The following DNMT1 variants were observed in gnomAD, a reference collection of about 807,000 sequenced individuals.
The protein encoded by DNMT1 is DNA (cytosine-5)-methyltransferase 1.
DNMT1 carries 24 observed loss-of-function variants against 205.3 expected under a neutral mutation model. The ratio of observed to expected loss-of-function variants is 0.12; its 90% CI spans 0.08 to 0.16. The LOEUF is 0.16. Among genes scored for constraint, DNMT1 ranks in the 10% least tolerant of loss-of-function variants. The probability of loss-of-function intolerance (pLI) is 1.00; values close to 1 mark genes in which losing one functional copy is unlikely to be tolerated. For synonymous variants in DNMT1, 817 were observed against 839.8 expected (o/e 0.97, Z 0.47); for missense variants, 1,293 against 2,177.7 (o/e 0.59, Z 8.09).
intron 12 of DNMT1, 32 bp downstream of exon 12, chr19:10,163,294 G>T: frequency 6.2e-7 from 1 of 1,612,782 alleles, no homozygotes; most frequent in South Asian, 1.1e-5. Flanking sequence ...TGATCCAGAT[G>T]ACACAAAAGC....
intron 17 of DNMT1, among the ~76,000 whole-genome samples, chr19:10,158,655 G>A (rs958770034): frequency 2.0e-5 from 3 of 152,196 alleles, no homozygotes; most frequent in African/African-American, 4.8e-5. Flanking sequence ...AAGAGCTGAC[G>A]TGAGCCTCGG....
In DNMT1 at chr19:10,140,882, C is replaced by T. The variant is rs920360352; in HGVS notation, c.3422G>A (p.Cys1141Tyr). The T allele has an allele frequency of 8.1e-6, 13 of 1,614,054 alleles. No homozygotes were observed. The highest frequency in any genetic ancestry group is 1.0e-5 in the Non-Finnish European group (12 of 1,180,046). ...CTCTATCTCTGGCTCGCTCGGCTCA[C>T]AGGCTTGGGACTTGGGCTTGCCCTT... The part of the protein sequence containing the change: ...KGKGKPKSQA[C>Y]EPSEPEIEIK... Residue 1141 changes from cysteine (C) to tyrosine (Y), a missense_variant, in exon 32 of 41, where the codon TGT becomes TAT. Physicochemically the swap from Cys to Tyr is radical, Grantham distance 194. Coordinates refer to ENST00000359526, the MANE Select transcript of DNMT1 (RefSeq NM_001130823.3). The surrounding 1 kb of genome is among the most constrained non-coding windows in gnomAD (Gnocchi z 8.4).
intron 26 of DNMT1, 64 bp from the exon 27 acceptor site, chr19:10,149,081 T>C (rs1259918295): frequency 2.5e-6 from 4 of 1,602,302 alleles, no homozygotes; most frequent in South Asian, 2.2e-5. Flanking sequence ...CCCAGCACTA[T>C]GGGAGGCCGA....
Position 10,146,451 on chromosome 19 carries a change from C to A in DNMT1, c.2794G>T (p.Asp932Tyr). The A allele has an allele frequency of 1.2e-6, 2 of 1,614,116 alleles. No homozygotes were observed. Among genetic ancestry groups the A allele is most frequent in the Non-Finnish European group, 1.7e-6 (2 of 1,180,024 alleles). ...EIPRVLEQLE[D>Y]LDSRVLYYSA... Reference sequence around the variant, plus strand: ...TAGTAGAGGACCCGGCTATCCAGGTCCTCGAGCTGCTCCAGGACCCTGGGG... The same window carrying A: ...TAGTAGAGGACCCGGCTATCCAGGTACTCGAGCTGCTCCAGGACCCTGGGG... Residue 932 changes from aspartate to tyrosine, a missense_variant, in exon 28 of 41, where the codon GAC (aspartate) becomes TAC (tyrosine). Around this residue, in one of 13 missense-constraint regions of DNMT1, gnomAD observed 112 missense variants for 116.6 expected, o/e 0.96. Coordinates refer to ENST00000359526, the MANE Select transcript of DNMT1 (RefSeq NM_001130823.3). The surrounding 1 kb of genome is among the most constrained non-coding windows in gnomAD (Gnocchi z 4.4).
At position 10,133,553 on chromosome 19, in the gene DNMT1, C is replaced by A; in HGVS notation, c.*114G>T. 1.6e-6 allele frequency: 2 copies of A among 1,275,158 alleles called. No individual in the cohort carries two copies. Among genetic ancestry groups the A allele is most frequent in the African/African-American group, 1.5e-5 (1 of 67,484 alleles). 79.0% of individuals were successfully genotyped at this position (1,275,158 alleles called of 1,614,324 possible). On this transcript the variant is annotated 3_prime_UTR_variant, in exon 41 of 41. Coordinates refer to ENST00000359526, the MANE Select transcript of DNMT1 (RefSeq NM_001130823.3). The surrounding 1 kb of genome is among the most constrained non-coding windows in gnomAD (Gnocchi z 4.1). ...CACAACAGCTTCATGTCAGCCAAGG[C>A]CACAAACACCATGTACCACACATGT...
At chr19:10,181,402 T>C (rs556314530) in intron 2 of DNMT1, among the ~76,000 whole-genome samples, 1 of 151,470 alleles carries the variant, frequency 6.6e-6, no homozygotes, top group East Asian at 2.0e-4. Flanking sequence ...TGAGCCAAAA[T>C]TGTGCCACTG....
intron 1 of DNMT1, among the ~76,000 whole-genome samples, chr19:10,185,582 C>G (rs1031338594): frequency 6.6e-6 from 1 of 151,920 alleles, no homozygotes; most frequent in Non-Finnish European, 1.5e-5. Flanking sequence ...ATCCCAGCAC[C>G]TTGGGAGGCC....
chr19:10,171,330 C>T (rs1300325113), intron 9 of DNMT1, among the ~76,000 whole-genome samples: 1 of 152,082 alleles, frequency 6.6e-6, no homozygotes, highest in East Asian at 1.9e-4. Flanking sequence ...ATCTCGTCAG[C>T]CAGAGAAGGT....
At chr19:10,152,454 C>A (rs1056946080) in intron 22 of DNMT1, among the ~76,000 whole-genome samples, 1 of 151,612 alleles carries the variant, frequency 6.6e-6, no homozygotes, top group African/African-American at 2.4e-5. Flanking sequence ...TATTAAGACC[C>A]CCAACTCTAC....
chr19:10,149,157 CT>C (rs2038275749), intron 26 of DNMT1, 140 bp from the exon 27 acceptor site: 1 of 1,252,038 alleles, frequency 8.0e-7, no homozygotes, highest in African/African-American at 1.6e-5. Context: ...AACCCCGTCT[CT>C]ACTAAAAATA....
chr19:10,169,884 T>C (rs1403022439), intron 9 of DNMT1, among the ~76,000 whole-genome samples: 2 of 152,228 alleles, frequency 1.3e-5, no homozygotes, highest in African/African-American at 2.4e-5. Context: ...AAGGTGGTGG[T>C]TGAACTAGCC....
Position 10,140,156 on chromosome 19 carries a change from G to T in DNMT1, c.3696C>A (p.Asp1232Glu). 6.2e-7 allele frequency: 1 copy of T among 1,613,906 alleles called. No homozygotes were observed. Among genetic ancestry groups the T allele is most frequent in the Non-Finnish European group, 8.5e-7 (1 of 1,180,042 alleles). ...GCGGCCCGCCGCACAGCATCTCCAC[G>T]TCTCCCTTCTGGGGCAGCCGCTGGC... ...SRGQRLPQKG[D>E]VEMLCGGPPC... The change falls in exon 33 of 41, where the codon GAC becomes GAA. Residue 1232 changes from aspartate to glutamate, a missense_variant. Asp to Glu is a conservative substitution (Grantham distance 45, BLOSUM62 2). Transcript: ENST00000359526. This position sits in a 1 kb window ranked among gnomAD's most constrained non-coding sequence, Gnocchi z 8.4.
rs1314966532 is a variant in DNMT1, at chr19:10,148,964, G to T, written c.2640C>A (p.Phe880Leu). ...LLEGDDGKTY[F>L]YQLWYDQDYA... is the part of the protein sequence containing the mutation. ...AGTCTTGATCATACCACAGCTGGTA[G>T]AAGTAGGTCTTCCCGTCGTCCCCCT... Residue 880 changes from phenylalanine (F) to leucine (L), a missense_variant, in exon 27 of 41, where the codon TTC becomes TTA. Coordinates refer to ENST00000359526, the MANE Select transcript of DNMT1 (RefSeq NM_001130823.3). The T allele has an allele frequency of 6.2e-7, 1 of 1,614,204 alleles. No individual in the cohort carries two copies. Among genetic ancestry groups the T allele is most frequent in the Non-Finnish European group, 8.5e-7 (1 of 1,180,028 alleles).
At position 10,151,230 on chromosome 19, in the gene DNMT1, C is replaced by T. The variant is rs557084232; in HGVS notation, c.2265+168G>A. The stretch of plus-strand genomic sequence containing the variant: ...ACAAAAATGCCTTGCTGGTACTGAG[C>T]CATGGAACATGGTCTCTTGGCCAGT... On this transcript the variant is annotated intron_variant, in intron 24 of 40. Coordinates refer to ENST00000359526, the MANE Select transcript of DNMT1 (RefSeq NM_001130823.3). This position sits in a 1 kb window ranked among gnomAD's most constrained non-coding sequence, Gnocchi z 5.0. Among the ~76,000 whole-genome samples the T allele has an allele frequency of 3.3e-5, 5 of 152,234 alleles. No individual in the cohort carries two copies. The highest frequency in any genetic ancestry group is 2.6e-4 in the Admixed American group (4 of 15,282).
At chr19:10,170,863 G>A (rs2038802506) in intron 9 of DNMT1, among the ~76,000 whole-genome samples, 1 of 151,982 alleles carries the variant, frequency 6.6e-6, no homozygotes, top group African/African-American at 2.4e-5. Context: ...GGACAATCAT[G>A]GCTCACTGTA....
At chr19:10,180,651 C>T (rs752868595) in intron 3 of DNMT1, 82 bp from the exon 4 acceptor site, 5 of 1,420,018 alleles carry the variant, frequency 3.5e-6, no homozygotes, top group Admixed American at 3.4e-5. Context: ...TTTCCTTCAT[C>T]ATCATCATCA....
At chr19:10,141,495 T>C in intron 30 of DNMT1, 4 of 421,536 alleles carry the variant, frequency 9.5e-6, no homozygotes, top group Non-Finnish European at 4.4e-6. Context: ...CATCCATGCC[T>C]GGGAGAACGT....
intron 1 of DNMT1, among the ~76,000 whole-genome samples, chr19:10,187,301 G>A (rs554400857): frequency 2.0e-5 from 3 of 152,086 alleles, no homozygotes; most frequent in South Asian, 2.1e-4. Flanking sequence ...AGAAATGCTC[G>A]TCTGAAATAC....
rs762835601 is a variant in DNMT1, at chr19:10,156,440, G to A, written c.1350C>T (p.Phe450=). 1.9e-6 allele frequency: 3 copies of A among 1,613,262 alleles called. No homozygotes were observed. The highest frequency in any genetic ancestry group is 2.5e-6 in the Non-Finnish European group (3 of 1,179,510). The part of the protein sequence containing the change: ...TGLIEKNIEL[F]FSGSAKPIYD... ...AGATTGGTTTTGCTGAACCAGAAAA[G>A]AAGAGTTCGATATTCTTCTCGATGA... Residue 450 remains phenylalanine, a synonymous_variant, in exon 18 of 41, where the codon TTC becomes TTT. Coordinates refer to ENST00000359526, the MANE Select transcript of DNMT1 (RefSeq NM_001130823.3). The surrounding 1 kb of genome is among the most constrained non-coding windows in gnomAD (Gnocchi z 4.2).
Sources: allele counts gnomAD v4.1 joint callset (sites outside exome capture counted in the v4.1 genomes callset), GRCh38; gene constraint gnomAD v4.1.1; regional missense constraint gnomAD v4.1.1; non-coding constraint Gnocchi (gnomAD v3.1); transcripts MANE v1.5; gene names NCBI Gene and HGNC (gene_info 2026-07-23, HGNC 2026-07-21).